RELN: variants seen among roughly 807,000 people sequenced by gnomAD.
RELN encodes reelin.
RELN carries 108 observed loss-of-function variants against 427.6 expected under a neutral mutation model. The observed-to-expected ratio is 0.25, with a 90% CI of 0.22 to 0.30. The LOEUF (loss-of-function observed/expected upper bound fraction) is 0.30, where lower values mean the gene tolerates loss of function less well. Among genes scored for constraint, RELN ranks in the 10% least tolerant of loss-of-function variants. The pLI is 1.00. For synonymous variants in RELN, 1,524 were observed against 1,513.4 expected, an observed-to-expected ratio of 1.01 and a Z score of -0.16; for missense variants, 3,715 against 4,302.8, an observed-to-expected ratio of 0.86 and a Z score of 3.82.
At chr7:103,755,432 C>T (rs2116096356) in intron 4 of RELN, among the ~76,000 whole-genome samples, 3 of 152,148 alleles carry the variant, frequency 2.0e-5, no homozygotes, top group African/African-American at 7.2e-5. Flanking sequence ...CACGGTGAAA[C>T]CCCATCTCTA....
chr7:103,483,901 A>G (rs1346307854), intron 61 of RELN, 51 bp from the exon 62 acceptor site: 10 of 1,542,070 alleles, frequency 6.5e-6, no homozygotes, highest in Non-Finnish European at 8.8e-6. Flanking sequence ...ATTTTTTGAG[A>G]TGGAGTCTTG....
rs1323937890 is a variant in RELN, at chr7:103,768,866, G to T, written c.544+7691C>A. Reference sequence around the variant, plus strand: ...TCTTGAGAAGGGATTTATTCTCCTTGCCACAGCAGACTCGTCCCTTCTCCT... The same window carrying T: ...TCTTGAGAAGGGATTTATTCTCCTTTCCACAGCAGACTCGTCCCTTCTCCT... On this transcript the variant is annotated intron_variant, in intron 4 of 64. Coordinates refer to ENST00000428762, the MANE Select transcript of RELN (RefSeq NM_005045.4). Among the ~76,000 whole-genome samples, 4 of 152,094 alleles carry T rather than the reference G, an allele frequency of 2.6e-5. No individual in the cohort carries two copies. The East Asian group carries it at 5.8e-4, about 22-fold the overall frequency.
intron 6 of RELN, among the ~76,000 whole-genome samples, chr7:103,742,407 C>G (rs1358709976): frequency 2.0e-5 from 3 of 152,182 alleles, no homozygotes; most frequent in African/African-American, 7.2e-5. Context: ...CGGAACAAAA[C>G]TGGATGGAGA....
At chr7:103,564,454 G>C (rs188303792) in intron 34 of RELN, among the ~76,000 whole-genome samples, 1 of 152,324 alleles carries the variant, frequency 6.6e-6, no homozygotes, top group Non-Finnish European at 1.5e-5. Flanking sequence ...GGGACACAGG[G>C]AGGAAGTGTT....
At chr7:103,532,029 T>C (rs1829951224) in intron 46 of RELN, among the ~76,000 whole-genome samples, 1 of 152,070 alleles carries the variant, frequency 6.6e-6, no homozygotes, top group Non-Finnish European at 1.5e-5. Context: ...AACAAAGACA[T>C]GGAATCAACC....
chr7:103,503,314 G>T, intron 51 of RELN, 84 bp from the exon 52 acceptor site: 1 of 1,090,192 alleles, frequency 9.2e-7, no homozygotes, highest in Non-Finnish European at 1.4e-6. Flanking sequence ...AAAAGCTGCT[G>T]ATCACTTGAT....
intron 3 of RELN, among the ~76,000 whole-genome samples, chr7:103,816,991 A>C (rs1792889160): frequency 6.6e-6 from 1 of 152,084 alleles, no homozygotes; most frequent in African/African-American, 2.4e-5. Context: ...AGCTGGGACT[A>C]TAAGAGTGCA....
At chr7:103,558,144 T>C in intron 36 of RELN, 95 bp from the exon 37 acceptor site, 1 of 698,310 alleles carries the variant, frequency 1.4e-6, no homozygotes, top group East Asian at 2.7e-5. Context: ...AGCTAAGTAA[T>C]AAATACATAT....
intron 36 of RELN, among the ~76,000 whole-genome samples, chr7:103,560,970 G>A (rs1455367207): frequency 6.6e-6 from 1 of 152,128 alleles, no homozygotes; most frequent in African/African-American, 2.4e-5. Flanking sequence ...GATGGGATGT[G>A]GCATGTATTC....
chr7:103,909,353 A>G (rs556503568), intron 2 of RELN, among the ~76,000 whole-genome samples: 1 of 152,080 alleles, frequency 6.6e-6, no homozygotes, highest in East Asian at 1.9e-4. Flanking sequence ...TGAAAAATAA[A>G]ACAAAATAGT....
rs182412996 is a variant in RELN, at chr7:103,627,207, T to C, written c.2702+2733A>G. Reference sequence around the variant, plus strand: ...ATTTCCCTTGAGAGAAAAAAGGTCATTGAAGGGCAGAGACTGCATACTTAA... The same window carrying C: ...ATTTCCCTTGAGAGAAAAAAGGTCACTGAAGGGCAGAGACTGCATACTTAA... On this transcript the variant is annotated intron_variant, in intron 20 of 64. Transcript: ENST00000428762. 5.3e-5 allele frequency among the ~76,000 whole-genome samples: 8 copies of C among 152,226 alleles called. No homozygotes were observed. The East Asian group carries it at 1.3e-3, about 26-fold the overall frequency.
chr7:103,804,136 T>A (rs567439584), intron 3 of RELN, among the ~76,000 whole-genome samples: 1 of 152,246 alleles, frequency 6.6e-6, no homozygotes, highest in East Asian at 1.9e-4. Flanking sequence ...GCAATATTTT[T>A]AAATTATTCA....
At chr7:103,575,169 T>C (rs1349624704) in intron 29 of RELN, among the ~76,000 whole-genome samples, 1 of 152,202 alleles carries the variant, frequency 6.6e-6, no homozygotes, top group African/African-American at 2.4e-5. Context: ...AATCTCTCTG[T>C]GCCTCAGTTT....
intron 11 of RELN, among the ~76,000 whole-genome samples, chr7:103,678,192 T>C (rs1208867094): frequency 6.6e-6 from 1 of 152,200 alleles, no homozygotes; most frequent in African/African-American, 2.4e-5. Flanking sequence ...AGTAAAAGCA[T>C]ATAATGTTTA....
At chr7:103,591,807 C>T (rs362661) in intron 27 of RELN, among the ~76,000 whole-genome samples, 327 of 152,286 alleles carry the variant, frequency 2.1e-3, no homozygotes, top group African/African-American at 7.5e-3. Context: ...GACATACTCT[C>T]AGCTGTATTA....
chr7:103,988,218 A>G lies in RELN; in HGVS notation c.226+913T>C, dbSNP rs1797144180. On this transcript the variant is annotated intron_variant, in intron 1 of 64. Transcript: ENST00000428762. The surrounding 1 kb of genome is among the most constrained non-coding windows in gnomAD (Gnocchi z 4.9). ...TTCAGAAGTCCCAGAAGAAATACAG[A>G]AAAGAGACATTTTTTATTTTTCCAC... Among the ~76,000 whole-genome samples, 1 of 152,236 alleles carries G rather than the reference A, an allele frequency of 6.6e-6. No homozygotes were observed. The highest frequency in any genetic ancestry group is 2.1e-4 in the South Asian group (1 of 4,836).
At chr7:103,922,863 T>G (rs1226383388) in intron 1 of RELN, among the ~76,000 whole-genome samples, 1 of 151,860 alleles carries the variant, frequency 6.6e-6, no homozygotes, top group East Asian at 1.9e-4. Context: ...CCATTACTAC[T>G]TTATACAAAA....
At chr7:103,491,030 C>T (rs146969917) in intron 58 of RELN, among the ~76,000 whole-genome samples, 105 of 152,244 alleles carry the variant, frequency 6.9e-4, no homozygotes, top group South Asian at 3.5e-3. Context: ...TAAAAGCACA[C>T]GGACAACAGA....
intron 46 of RELN, among the ~76,000 whole-genome samples, chr7:103,526,587 A>C (rs1435794721): frequency 6.6e-6 from 1 of 152,228 alleles, no homozygotes; most frequent in Non-Finnish European, 1.5e-5. Flanking sequence ...ATTTGTAAGA[A>C]GAGGAAACAT....
Sources: allele counts gnomAD v4.1 joint callset (sites outside exome capture counted in the v4.1 genomes callset), GRCh38; gene constraint gnomAD v4.1.1; non-coding constraint Gnocchi (gnomAD v3.1); transcripts MANE v1.5; gene names NCBI Gene and HGNC (gene_info 2026-07-23, HGNC 2026-07-21).